NEO1: variants seen among roughly 807,000 people sequenced by gnomAD.
The protein encoded by NEO1 is neogenin.
NEO1 carries 63 observed loss-of-function variants against 159.7 expected under a neutral mutation model. The ratio of observed to expected loss-of-function variants is 0.39; its 90% CI spans 0.32 to 0.49. The LOEUF (loss-of-function observed/expected upper bound fraction) is 0.49. Ranked by LOEUF, NEO1 falls within the 20% of genes least tolerant of loss-of-function variation. NEO1 has a pLI of 0.85. For missense variants in NEO1, 1,615 were observed against 1,831.0 expected (o/e 0.88, Z 2.15); for synonymous variants, 633 against 662.0 (o/e 0.96, Z 0.67).
intron 15 of NEO1, among the ~76,000 whole-genome samples, chr15:73,263,208 T>G (rs1485564222): frequency 1.6e-5 from 2 of 128,930 alleles, no homozygotes; most frequent in Non-Finnish European, 3.5e-5. Flanking sequence ...TTTTTTTTTT[T>G]TTTGAGACAG....
chr15:73,096,099 A>G lies in NEO1; in HGVS notation c.131-20441A>G, dbSNP rs555470566. Among the ~76,000 whole-genome samples, 324 of 152,340 alleles carry G rather than the reference A, an allele frequency of 2.1e-3. 2 individuals carry two copies. The highest frequency in any genetic ancestry group is 7.4e-3 in the African/African-American group (308 of 41,582). On this transcript the variant is annotated intron_variant, in intron 1 of 28. Transcript: ENST00000261908. ...AATAGATAACTCATTTTAAGAAGGGACAAAACAGCGTTGAAGATGAAACCC... is the reference window on the plus strand; with the variant it reads ...AATAGATAACTCATTTTAAGAAGGGGCAAAACAGCGTTGAAGATGAAACCC...
At chr15:73,289,332 T>C (rs1362588477) in intron 25 of NEO1, 94 bp downstream of exon 25, 3 of 1,049,128 alleles carry the variant, frequency 2.9e-6, no homozygotes, top group Non-Finnish European at 2.9e-6. Flanking sequence ...CACTTGATTC[T>C]AACACAAAGA....
At chr15:73,178,871 T>C (rs1409847358) in intron 7 of NEO1, among the ~76,000 whole-genome samples, 3 of 152,212 alleles carry the variant, frequency 2.0e-5, no homozygotes, top group African/African-American at 7.2e-5. Context: ...AATTCTGGGC[T>C]GTTGGCACAA....
intron 21 of NEO1, among the ~76,000 whole-genome samples, chr15:73,277,476 A>T (rs1404917462): frequency 6.6e-6 from 1 of 152,152 alleles, no homozygotes; most frequent in Non-Finnish European, 1.5e-5. Context: ...ATGTTCCCTG[A>T]TGATGGATTA....
chr15:73,199,450 C>T (rs1252038686), intron 7 of NEO1, among the ~76,000 whole-genome samples: 2 of 152,070 alleles, frequency 1.3e-5, no homozygotes, highest in African/African-American at 4.8e-5. Context: ...GAGAGTTATG[C>T]TCTACCTCCT....
intron 1 of NEO1, among the ~76,000 whole-genome samples, chr15:73,101,887 A>G (rs1332158521): frequency 6.6e-6 from 1 of 152,184 alleles, no homozygotes; most frequent in Non-Finnish European, 1.5e-5. Context: ...ATATAGAAGA[A>G]AACCAAGCTC....
intron 2 of NEO1, among the ~76,000 whole-genome samples, chr15:73,121,488 A>G (rs2071643743): frequency 6.6e-6 from 1 of 152,178 alleles, no homozygotes; most frequent in Admixed American, 6.5e-5. Context: ...TGGTCTGTGC[A>G]GTGTTTCTCC....
chr15:73,244,954 CAAAAAAAAA>C lies in NEO1; in HGVS notation c.1606+477_1606+485del, dbSNP rs57566986. ...TGGGTGACAGAGTGAGACTCTGTCT[CAAAAAAAAA>C]AAAAAAAAAAAAAAAAAAAACAACA... On this transcript the variant is annotated intron_variant, in intron 9 of 28. Coordinates refer to ENST00000261908, the MANE Select transcript of NEO1 (RefSeq NM_002499.4). 1.7e-3 allele frequency among the ~76,000 whole-genome samples: 28 copies of C among 16,526 alleles called. 1 individual carries two copies. Among genetic ancestry groups the C allele is most frequent in the Admixed American group, 4.1e-3 (4 of 968 alleles). 10.8% of individuals were successfully genotyped at this position (16,526 alleles called of 152,430 possible). A position where few individuals can be genotyped will look rare whatever the true frequency, so the allele number is the denominator to read the frequency against.
At chr15:73,209,658 A>G (rs2680345) in intron 7 of NEO1, among the ~76,000 whole-genome samples, 128,773 of 152,106 alleles carry the variant, frequency 0.85, 55,922 homozygotes, top group Non-Finnish European at 0.94. Flanking sequence ...AATGGTAGAC[A>G]CACCATTAGC....
At chr15:73,170,501 T>C (rs759218678) in intron 5 of NEO1, among the ~76,000 whole-genome samples, 8 of 152,216 alleles carry the variant, frequency 5.3e-5, no homozygotes, top group Non-Finnish European at 8.8e-5. Flanking sequence ...AATAGAGTCA[T>C]GTGAAAAAGG....
intron 1 of NEO1, among the ~76,000 whole-genome samples, chr15:73,082,696 A>G (rs866027594): frequency 6.6e-6 from 1 of 152,250 alleles, no homozygotes; most frequent in Middle Eastern, 3.4e-3. Flanking sequence ...ATGAATTATT[A>G]ATACATATCA....
Position 73,302,808 on chromosome 15 carries a change from G to T in NEO1, c.*112G>T. ...AGGACAGCACTTGAGAACACAGAAT[G>T]AGCCAGCAGACTGGCCAGCGCCTCT... is the stretch of plus-strand genomic sequence containing the variant. On this transcript the variant is annotated 3_prime_UTR_variant, in exon 29 of 29. Coordinates refer to ENST00000261908, the MANE Select transcript of NEO1 (RefSeq NM_002499.4). 1.0e-6 allele frequency: 1 copy of T among 988,000 alleles called. No individual in the cohort carries two copies. The highest frequency in any genetic ancestry group is 1.5e-6 in the Non-Finnish European group (1 of 648,842). 61.2% of individuals were successfully genotyped at this position (988,000 alleles called of 1,614,324 possible).
At chr15:73,198,739 A>G (rs2036683667) in intron 7 of NEO1, among the ~76,000 whole-genome samples, 1 of 151,992 alleles carries the variant, frequency 6.6e-6, no homozygotes, top group Non-Finnish European at 1.5e-5. Flanking sequence ...ATCCTGGGAA[A>G]GTCCTTAGAA....
At chr15:73,078,248 G>T (rs1253674504) in intron 1 of NEO1, among the ~76,000 whole-genome samples, 1 of 152,054 alleles carries the variant, frequency 6.6e-6, no homozygotes, top group East Asian at 1.9e-4. Context: ...GGAGGGGAAA[G>T]TGTTCCCTGT....
At chr15:73,192,674 T>C (rs1244065211) in intron 7 of NEO1, among the ~76,000 whole-genome samples, 1 of 151,642 alleles carries the variant, frequency 6.6e-6, no homozygotes, top group African/African-American at 2.4e-5. Flanking sequence ...ATAAGATGTA[T>C]GGAAAAATAT....
chr15:73,085,220 G>A (rs1278033474), intron 1 of NEO1, among the ~76,000 whole-genome samples: 1 of 152,034 alleles, frequency 6.6e-6, no homozygotes, highest in East Asian at 1.9e-4. Context: ...CATAAAATAT[G>A]TAATCTTTTG....
At chr15:73,283,273 C>T (rs1433011503) in intron 23 of NEO1, among the ~76,000 whole-genome samples, 162 bp downstream of exon 23, 4 of 152,212 alleles carry the variant, frequency 2.6e-5, no homozygotes, top group African/African-American at 9.7e-5. Context: ...TCTTATCAGT[C>T]AGTGTCCTGG....
intron 4 of NEO1, among the ~76,000 whole-genome samples, chr15:73,130,701 C>T (rs2030996704): frequency 6.6e-6 from 1 of 152,160 alleles, no homozygotes; most frequent in Non-Finnish European, 1.5e-5. Flanking sequence ...GAGGCCCCTC[C>T]CATGTAAGTA....
chr15:73,088,600 A>G (rs1270725541), intron 1 of NEO1, among the ~76,000 whole-genome samples: 1 of 152,134 alleles, frequency 6.6e-6, no homozygotes. Flanking sequence ...ATTTTCCCAA[A>G]TAGGAGGCAA....
Sources: allele counts gnomAD v4.1 joint callset (sites outside exome capture counted in the v4.1 genomes callset), GRCh38; gene constraint gnomAD v4.1.1; transcripts MANE v1.5; gene names NCBI Gene and HGNC (gene_info 2026-07-23, HGNC 2026-07-21).